ZNF385D: variants seen among roughly 807,000 people sequenced by gnomAD.
ZNF385D encodes zinc finger protein 659.
Under a neutral mutation model 35.8 loss-of-function variants are expected in ZNF385D, and 15 were observed. The observed-to-expected ratio is 0.42, with a 90% CI of 0.28 to 0.64. The LOEUF (loss-of-function observed/expected upper bound fraction) is 0.64. Ranked by LOEUF, ZNF385D falls within the 30% of genes least tolerant of loss-of-function variation. The probability of loss-of-function intolerance (pLI) is 0.23; values close to 1 mark genes in which losing one functional copy is unlikely to be tolerated. For synonymous variants in ZNF385D, 212 were observed against 186.8 expected (o/e 1.13, Z -1.10); for missense variants, 474 against 494.6 (o/e 0.96, Z 0.39).
chr3:22,276,687 A>G (rs1489531128), intron 2 of ZNF385D, among the ~76,000 whole-genome samples: 1 of 152,170 alleles, frequency 6.6e-6, no homozygotes, highest in Non-Finnish European at 1.5e-5. Flanking sequence ...CATCGGTGAT[A>G]CAAGTGTCCA....
intron 3 of ZNF385D, among the ~76,000 whole-genome samples, chr3:21,786,614 C>A (rs1435934110): frequency 2.0e-5 from 3 of 152,162 alleles, no homozygotes; most frequent in African/African-American, 7.2e-5. Context: ...TCAAATATCT[C>A]CCATTGTGCA....
At chr3:21,511,163 T>A in intron 3 of ZNF385D, 140 bp from the exon 4 acceptor site, 1 of 982,204 alleles carries the variant, frequency 1.0e-6, no homozygotes, top group Non-Finnish European at 1.5e-6. Flanking sequence ...AGTGGGGTTC[T>A]ATTTAGAATG....
chr3:21,938,274 T>C (rs6550633), intron 3 of ZNF385D, among the ~76,000 whole-genome samples: 3 of 151,970 alleles, frequency 2.0e-5, no homozygotes, highest in Non-Finnish European at 2.9e-5. Context: ...AAGAACGTTT[T>C]TGTGACTGAC....
At chr3:21,937,233 T>C (rs1361111170) in intron 3 of ZNF385D, among the ~76,000 whole-genome samples, 1 of 152,048 alleles carries the variant, frequency 6.6e-6, no homozygotes, top group Non-Finnish European at 1.5e-5. Flanking sequence ...ATGTAAGCCT[T>C]AAAAAAATAA....
At chr3:22,056,635 T>C (rs1445348590) in intron 3 of ZNF385D, among the ~76,000 whole-genome samples, 1 of 152,230 alleles carries the variant, frequency 6.6e-6, no homozygotes, top group African/African-American at 2.4e-5. Context: ...CTGGTGCAGT[T>C]TGACAGTTTT....
At chr3:22,369,276 T>C (rs1334154632) in intron 2 of ZNF385D, among the ~76,000 whole-genome samples, 3 of 152,200 alleles carry the variant, frequency 2.0e-5, no homozygotes, top group Admixed American at 1.3e-4. Context: ...ATTAGTCCTA[T>C]TGTTTGAATA....
chr3:21,713,675 C>A (rs1456879411), intron 1 of ZNF385D, among the ~76,000 whole-genome samples: 1 of 152,048 alleles, frequency 6.6e-6, no homozygotes, highest in African/African-American at 2.4e-5. Context: ...TTTGATATAC[C>A]CATAGTCCAT....
intron 3 of ZNF385D, chr3:21,979,508 G>A (rs1048291910): frequency 6.6e-5 from 10 of 152,024 alleles, no homozygotes; most frequent in African/African-American, 2.4e-4. Context: ...ACAAATTGTG[G>A]GGCTAGTTTT....
intron 2 of ZNF385D, among the ~76,000 whole-genome samples, chr3:22,259,650 T>C (rs1465074475): frequency 2.0e-5 from 3 of 151,972 alleles, no homozygotes; most frequent in Non-Finnish European, 4.4e-5. Flanking sequence ...ATTTTTAATT[T>C]TTACTGCTTT....
intron 5 of ZNF385D, among the ~76,000 whole-genome samples, chr3:21,427,218 C>T (rs562513095): frequency 6.6e-6 from 1 of 152,184 alleles, no homozygotes; most frequent in Non-Finnish European, 1.5e-5. Context: ...TCCTAGGGAG[C>T]AAGAAACAAA....
chr3:22,165,670 T>C (rs1426562370), intron 3 of ZNF385D, among the ~76,000 whole-genome samples: 1 of 152,190 alleles, frequency 6.6e-6, no homozygotes, highest in Non-Finnish European at 1.5e-5. Flanking sequence ...AAGAAGTTGA[T>C]TAAATCTTTA....
Position 21,560,882 on chromosome 3 carries a change from G to GGGC in ZNF385D, c.276+3689_276+3691dup, listed in dbSNP as rs1337939314. ...ATCTAGAGAGACAGTCTGGCCACAG[G>GGGC]GGCCTTGCTGAGCTTCAGTGGGCTC... On this transcript the variant is annotated intron_variant, in intron 3 of 7. Coordinates refer to ENST00000281523, the MANE Select transcript of ZNF385D (RefSeq NM_024697.3). Among the ~76,000 whole-genome samples the GGGC allele has an allele frequency of 2.0e-5, 3 of 152,222 alleles. No individual in the cohort carries two copies. The East Asian group carries it at 5.8e-4, about 30-fold the overall frequency.
At chr3:22,088,137 G>A (rs1156643368) in intron 3 of ZNF385D, among the ~76,000 whole-genome samples, 1 of 152,170 alleles carries the variant, frequency 6.6e-6, no homozygotes, top group African/African-American at 2.4e-5. Flanking sequence ...AGGCAGGACA[G>A]AAAATACAGA....
chr3:22,320,458 A>T (rs1694359885), intron 2 of ZNF385D, among the ~76,000 whole-genome samples: 1 of 151,936 alleles, frequency 6.6e-6, no homozygotes. Flanking sequence ...CAGTACTCAC[A>T]AATTAATGCC....
chr3:21,999,890 A>T (rs1007077217), intron 3 of ZNF385D, among the ~76,000 whole-genome samples: 9 of 152,178 alleles, frequency 5.9e-5, no homozygotes, highest in Non-Finnish European at 1.2e-4. Context: ...AGGAGAAGAG[A>T]TGGGTGAAGG....
At chr3:21,861,673 G>C (rs114908859) in intron 3 of ZNF385D, among the ~76,000 whole-genome samples, 2 of 152,094 alleles carry the variant, frequency 1.3e-5, no homozygotes, top group Non-Finnish European at 2.9e-5. Context: ...AATAGTATAA[G>C]AGCATGTAGT....
chr3:22,030,256 CATATATATATATATATATAT>C (rs71044967), intron 3 of ZNF385D, among the ~76,000 whole-genome samples: 628 of 21,746 alleles, frequency 0.029, 64 homozygotes, highest in African/African-American at 0.082. Context: ...TAAACTCATT[CATATATATATATATATATAT>C]ATATATATAT....
chr3:21,910,688 T>C (rs1484180066), intron 3 of ZNF385D, among the ~76,000 whole-genome samples: 2 of 151,376 alleles, frequency 1.3e-5, no homozygotes, highest in African/African-American at 4.9e-5. Context: ...AATATGAACG[T>C]AGAAAAGTAA....
intron 3 of ZNF385D, among the ~76,000 whole-genome samples, chr3:21,777,025 A>T (rs2071315444): frequency 6.6e-6 from 1 of 151,962 alleles, no homozygotes; most frequent in Admixed American, 6.6e-5. Context: ...GCCCCCAAAC[A>T]TGCTACTTAC....
Sources: allele counts gnomAD v4.1 joint callset (sites outside exome capture counted in the v4.1 genomes callset), GRCh38; gene constraint gnomAD v4.1.1; transcripts MANE v1.5; gene names NCBI Gene and HGNC (gene_info 2026-07-23, HGNC 2026-07-21).